The following ARHGEF12 variants were observed in gnomAD, a reference collection of about 807,000 sequenced individuals.
ARHGEF12 encodes Rho guanine nucleotide exchange factor 12.
Under a neutral mutation model 211.2 loss-of-function variants are expected in ARHGEF12, and 66 were observed. The ratio of observed to expected loss-of-function variants is 0.31; its 90% CI spans 0.26 to 0.38. ARHGEF12 has a LOEUF of 0.38. Ranked by LOEUF, ARHGEF12 falls within the 10% of genes least tolerant of loss-of-function variation. The pLI is 1.00. For missense variants in ARHGEF12, 1,429 were observed against 1,869.5 expected, an observed-to-expected ratio of 0.76 and a Z score of 4.34; for synonymous variants, 592 against 638.4, an observed-to-expected ratio of 0.93 and a Z score of 1.09.
chr11:120,470,766 T>C (rs894524960), intron 30 of ARHGEF12, among the ~76,000 whole-genome samples: 1 of 152,212 alleles, frequency 6.6e-6, no homozygotes, highest in African/African-American at 2.4e-5. Flanking sequence ...TAGGTACCCT[T>C]ATATCTACCT....
At chr11:120,362,377 T>C (rs1157988251) in intron 1 of ARHGEF12, among the ~76,000 whole-genome samples, 2 of 152,226 alleles carry the variant, frequency 1.3e-5, no homozygotes, top group African/African-American at 4.8e-5. Flanking sequence ...CTGCAGAACA[T>C]GACTTTTACC....
chr11:120,379,185 G>A (rs1943811072), intron 1 of ARHGEF12, among the ~76,000 whole-genome samples: 1 of 151,962 alleles, frequency 6.6e-6, no homozygotes, highest in African/African-American at 2.4e-5. Flanking sequence ...AAGTTTATGT[G>A]TTTTGAGGTT....
chr11:120,372,663 C>CA (rs1209932909), intron 1 of ARHGEF12, among the ~76,000 whole-genome samples: 8 of 151,804 alleles, frequency 5.3e-5, no homozygotes, highest in Non-Finnish European at 1.2e-4. Flanking sequence ...GGCTTTTTTT[C>CA]CCTATAATTT....
At chr11:120,474,725 C>T in intron 32 of ARHGEF12, 90 bp downstream of exon 32, 4 of 974,560 alleles carry the variant, frequency 4.1e-6, no homozygotes, top group Non-Finnish European at 4.6e-6. Flanking sequence ...GAGGAGAGAA[C>T]CATTCTCTCA....
chr11:120,445,366 G>A (rs1451116355), intron 15 of ARHGEF12, 56 bp from the exon 16 acceptor site: 19 of 1,574,546 alleles, frequency 1.2e-5, no homozygotes, highest in Non-Finnish European at 1.4e-5. Flanking sequence ...AAGTACTTAT[G>A]TACATCTTCA....
intron 9 of ARHGEF12, 76 bp downstream of exon 9, chr11:120,429,593 T>C (rs984467599): frequency 7.0e-6 from 11 of 1,573,384 alleles, no homozygotes; most frequent in Middle Eastern, 3.4e-4. Flanking sequence ...TGTTTATCAG[T>C]CACAATCAAG....
chr11:120,397,901 A>T (rs12421331), intron 1 of ARHGEF12, among the ~76,000 whole-genome samples: 1 of 152,174 alleles, frequency 6.6e-6, no homozygotes, highest in African/African-American at 2.4e-5. Context: ...ACAGAAATCT[A>T]TCTCTATTTT....
Position 120,486,210 on chromosome 11 carries a change from G to A in ARHGEF12, c.*1133G>A, listed in dbSNP as rs186223416. ...TAAGGCCAGTAAAATTTTAGTACCT[G>A]GAGGTTTGACTCTAATTTTTGCACT... On this transcript the variant is annotated 3_prime_UTR_variant, in exon 41 of 41. Transcript: ENST00000397843. The A allele has an allele frequency of 8.6e-6, 2 of 233,356 alleles. No individual in the cohort carries two copies. Among genetic ancestry groups the A allele is most frequent in the African/African-American group, 4.4e-5 (2 of 45,450 alleles). 14.5% of individuals were successfully genotyped at this position (233,356 alleles called of 1,614,324 possible).
Position 120,476,763 on chromosome 11 carries a change from T to C in ARHGEF12, c.3365+15T>C, listed in dbSNP as rs1255249125. 1.9e-6 allele frequency: 3 copies of C among 1,570,592 alleles called. No individual in the cohort carries two copies. The highest frequency in any genetic ancestry group is 1.1e-5 in the South Asian group (1 of 87,712). ...GAAAAGACTGTGTATGTATCAGATA[T>C]GGCTACCTTGCTATAGCTAATATTT... is the stretch of plus-strand genomic sequence containing the variant. On this transcript the variant is annotated intron_variant, in intron 34 of 40. Transcript: ENST00000397843.
At chr11:120,380,472 G>GTTT (rs1275832821) in intron 1 of ARHGEF12, among the ~76,000 whole-genome samples, 1 of 152,154 alleles carries the variant, frequency 6.6e-6, no homozygotes, top group Non-Finnish European at 1.5e-5. Flanking sequence ...CAGTTTCTCA[G>GTTT]TTTTTCCTTG....
chr11:120,372,802 C>G (rs1180207479), intron 1 of ARHGEF12, among the ~76,000 whole-genome samples: 1 of 152,068 alleles, frequency 6.6e-6, no homozygotes, highest in Non-Finnish European at 1.5e-5. Context: ...GCTTTTGTCT[C>G]TTTATCCCCA....
At position 120,480,371 on chromosome 11, in the gene ARHGEF12, C is replaced by A; in HGVS notation, c.4178C>A (p.Pro1393Gln). 1 of 1,614,094 alleles carries A rather than the reference C, an allele frequency of 6.2e-7. No individual in the cohort carries two copies. The highest frequency in any genetic ancestry group is 8.5e-7 in the Non-Finnish European group (1 of 1,180,002). The change falls in exon 38 of 41, where the codon CCA (proline) becomes CAA (glutamine). Residue 1393 changes from proline to glutamine, a missense_variant. This residue lies in a region of ARHGEF12 where 467 missense variants were observed against 468.4 expected (regional missense o/e 1.00). Coordinates refer to ENST00000397843, the MANE Select transcript of ARHGEF12 (RefSeq NM_015313.3). ...DAREAHSDEN[P>Q]SEGDGAVNKE... ...CGTGAAGCACATAGTGATGAGAATCCATCAGAAGGTGATGGAGCAGTTAAC... is the reference window on the plus strand; with the variant it reads ...CGTGAAGCACATAGTGATGAGAATCAATCAGAAGGTGATGGAGCAGTTAAC...
chr11:120,359,758 A>G (rs1943229800), intron 1 of ARHGEF12, among the ~76,000 whole-genome samples: 1 of 152,194 alleles, frequency 6.6e-6, no homozygotes, highest in African/African-American at 2.4e-5. Flanking sequence ...ATGTTTGGGG[A>G]GGACAGAAGT....
In ARHGEF12 at chr11:120,407,623, G is replaced by A. The variant is rs1944749421; in HGVS notation, c.57-115G>A. Reference sequence around the variant, plus strand: ...GTAAATTAGAGAGGCTTATGGTGCTGTGTAAAGTAAACTGATTTCCTGGTT... The same window carrying A: ...GTAAATTAGAGAGGCTTATGGTGCTATGTAAAGTAAACTGATTTCCTGGTT... On this transcript the variant is annotated intron_variant, in intron 2 of 40. Transcript: ENST00000397843. 1.9e-5 allele frequency: 14 copies of A among 726,258 alleles called. No individual in the cohort carries two copies. The South Asian group carries it at 2.4e-4, about 12-fold the overall frequency. 45.0% of individuals were successfully genotyped at this position (726,258 alleles called of 1,614,324 possible). A position where few individuals can be genotyped will look rare whatever the true frequency, so the allele number is the denominator to read the frequency against.
chr11:120,450,125 C>T (rs905879870), intron 21 of ARHGEF12: 2 of 152,248 alleles, frequency 1.3e-5, no homozygotes, highest in Non-Finnish European at 2.9e-5. Context: ...AATTCCAGCA[C>T]TTTGCAAGGC....
chr11:120,465,279 A>C lies in ARHGEF12; in HGVS notation c.2656A>C (p.Thr886Pro). ...GEEKLKHAAA[T>P]FCSNQPFALE... ...GGAGAAATTGAAACATGCTGCTGCTACCTTTTGCAGTAACCAACCTTTCGC... is the reference window on the plus strand; with the variant it reads ...GGAGAAATTGAAACATGCTGCTGCTCCCTTTTGCAGTAACCAACCTTTCGC... Residue 886 changes from threonine (T) to proline (P), a missense_variant, in exon 28 of 41, where the codon ACC becomes CCC. Thr to Pro is a conservative substitution (Grantham distance 38, BLOSUM62 -1). Around this residue, in one of 7 missense-constraint regions of ARHGEF12, gnomAD observed 223 missense variants for 444.6 expected, o/e 0.50. Transcript: ENST00000397843. 1 of 1,614,110 alleles carries C rather than the reference A, an allele frequency of 6.2e-7. No homozygotes were observed. Among genetic ancestry groups the C allele is most frequent in the Non-Finnish European group, 8.5e-7 (1 of 1,180,006 alleles).
At chr11:120,401,877 T>C (rs1007040590) in intron 1 of ARHGEF12, among the ~76,000 whole-genome samples, 3 of 152,220 alleles carry the variant, frequency 2.0e-5, no homozygotes, top group African/African-American at 7.2e-5. Flanking sequence ...TATTTGAATA[T>C]TTAGTCTTTA....
intron 20 of ARHGEF12, 73 bp downstream of exon 20, chr11:120,448,421 C>T (rs1160685546): frequency 8.2e-6 from 9 of 1,095,542 alleles, no homozygotes; most frequent in African/African-American, 1.6e-5. Context: ...TGTCTTCCAT[C>T]ATCTTAGTAT....
chr11:120,472,899 C>T, intron 30 of ARHGEF12, 151 bp from the exon 31 acceptor site: 1 of 611,440 alleles, frequency 1.6e-6, no homozygotes, highest in South Asian at 1.8e-5. Flanking sequence ...TCGTGATCCA[C>T]CTGCCTCAGC....
Sources: allele counts gnomAD v4.1 joint callset (sites outside exome capture counted in the v4.1 genomes callset), GRCh38; gene constraint gnomAD v4.1.1; regional missense constraint gnomAD v4.1.1; transcripts MANE v1.5; gene names NCBI Gene and HGNC (gene_info 2026-07-23, HGNC 2026-07-21).